Variants in DNTT observed in about 807,000 individuals in gnomAD.
The protein encoded by DNTT is DNA nucleotidylexotransferase, also known as nucleosidetriphosphate:DNA deoxynucleotidylexotransferase.
DNTT carries 47 observed loss-of-function variants against 60.9 expected under a neutral mutation model. The ratio of observed to expected loss-of-function variants is 0.77; its 90% CI spans 0.61 to 0.98. The LOEUF is 0.98. Ranked by LOEUF, DNTT falls within the 50% of genes least tolerant of loss-of-function variation. The probability of loss-of-function intolerance (pLI) is 0.00; values close to 1 mark genes in which losing one functional copy is unlikely to be tolerated. For synonymous variants in DNTT, 224 were observed against 221.2 expected (o/e 1.01, Z -0.11); for missense variants, 665 against 627.5 (o/e 1.06, Z -0.64).
chr10:96,314,408 T>G (rs1442950244), intron 1 of DNTT, among the ~76,000 whole-genome samples: 1 of 79,384 alleles, frequency 1.3e-5, no homozygotes, highest in South Asian at 5.2e-4. Context: ...TTCCCTTTTT[T>G]TTTTTTTTTT....
intron 7 of DNTT, among the ~76,000 whole-genome samples, chr10:96,327,904 C>A (rs1378427714): frequency 1.3e-5 from 2 of 152,228 alleles, no homozygotes; most frequent in Non-Finnish European, 2.9e-5. Flanking sequence ...ATGGCACCTT[C>A]TCCAGAAAGC....
At position 96,304,507 on chromosome 10, in the gene DNTT, C is replaced by G. The variant is rs144113836; in HGVS notation, c.10C>G (p.Pro4Ala). MDP[P>A]RASHLSPRKK... ...GCAGCAGCCTCTTCCCATGGATCCA[C>G]CACGAGCGTCCCACTTGAGCCCTCG... Residue 4 changes from proline to alanine, a missense_variant, in exon 1 of 11, where the codon CCA becomes GCA. Coordinates refer to ENST00000371174, the MANE Select transcript of DNTT (RefSeq NM_004088.4). The G allele has an allele frequency of 3.1e-6, 5 of 1,613,566 alleles. No homozygotes were observed. In the African/African-American group the frequency reaches 6.7e-5, roughly 22 times the overall value.
rs115042962 is a variant in DNTT at position 96,309,628 on chromosome 10, C to T, written c.203+4928C>T. Among the ~76,000 whole-genome samples, 940 of 152,270 alleles carry T rather than the reference C, an allele frequency of 6.2e-3. 6 individuals are homozygous for T. Among genetic ancestry groups the T allele is most frequent in the African/African-American group, 0.02 (849 of 41,556 alleles). ...GTCTCACTCATTATCCCAAAACCAT[C>T]GCCTCCAAAAGTCCCTGGCAATCTC... On this transcript the variant is annotated intron_variant, in intron 1 of 10. Coordinates refer to ENST00000371174, the MANE Select transcript of DNTT (RefSeq NM_004088.4).
At chr10:96,322,814 G>A in intron 5 of DNTT, 86 bp downstream of exon 5, 1 of 1,097,282 alleles carries the variant, frequency 9.1e-7, no homozygotes, top group Non-Finnish European at 1.3e-6. Flanking sequence ...GTCAGCTTGG[G>A]CTGCAATAAC....
chr10:96,307,704 T>TATA (rs1844658413), intron 1 of DNTT, among the ~76,000 whole-genome samples: 1 of 22,764 alleles, frequency 4.4e-5, no homozygotes, highest in Non-Finnish European at 9.5e-5. Flanking sequence ...TGTGTGTGTG[T>TATA]GTATATATAT....
rs1844911725 is a variant in DNTT at position 96,324,172 on chromosome 10, T to C, written c.751-94T>C. On this transcript the variant is annotated intron_variant, in intron 5 of 10. Transcript: ENST00000371174. The stretch of plus-strand genomic sequence containing the variant: ...ACTAGGTCAAAGATTTGCTTATACT[T>C]TTTCTTCATTGCCTGAGACCTAGAA... 3 of 1,444,806 alleles carry C rather than the reference T, an allele frequency of 2.1e-6. No individual in the cohort carries two copies. In the Admixed American group the frequency reaches 6.9e-5, roughly 33 times the overall value. The allele number at this position is 1,444,806 out of a possible 1,614,324, so 89.5% of individuals were successfully genotyped here.
At chr10:96,307,353 T>G (rs1439898427) in intron 1 of DNTT, among the ~76,000 whole-genome samples, 3 of 127,446 alleles carry the variant, frequency 2.4e-5, no homozygotes, top group South Asian at 2.7e-4. Context: ...GTTTTTTTTT[T>G]TTTTTTTTTT....
At chr10:96,336,716 G>T (rs1382476306) in intron 10 of DNTT, among the ~76,000 whole-genome samples, 1 of 152,130 alleles carries the variant, frequency 6.6e-6, no homozygotes, top group Non-Finnish European at 1.5e-5. Context: ...GGAGGCCGAG[G>T]CGGGTGGATC....
At position 96,320,592 on chromosome 10, in the gene DNTT, C is replaced by T. The variant is rs780378380; in HGVS notation, c.508-26C>T. The T allele has an allele frequency of 5.0e-6, 8 of 1,610,644 alleles. No homozygotes were observed. In the Admixed American group the frequency reaches 6.7e-5, roughly 13 times the overall value. ...GGCTCAGGGGCTTGGAAGCAAATCTCCTGCTTATCTGGTTTTATCCTGCAG... is the reference window on the plus strand; with the variant it reads ...GGCTCAGGGGCTTGGAAGCAAATCTTCTGCTTATCTGGTTTTATCCTGCAG... On this transcript the variant is annotated intron_variant, in intron 3 of 10. Transcript: ENST00000371174.
chr10:96,327,716 A>G (rs528208947), intron 7 of DNTT, 116 bp downstream of exon 7: 3 of 1,461,182 alleles, frequency 2.1e-6, no homozygotes, highest in Admixed American at 2.3e-5. Flanking sequence ...TTCTTTCTAC[A>G]GCTTTATCTC....
At chr10:96,328,854 A>C in intron 8 of DNTT, 24 bp downstream of exon 8, 1 of 1,602,340 alleles carries the variant, frequency 6.2e-7, no homozygotes, top group Non-Finnish European at 8.5e-7. Flanking sequence ...TGAAAAATAC[A>C]TGCACACGCA....
intron 4 of DNTT, among the ~76,000 whole-genome samples, chr10:96,322,297 T>C (rs1000566751): frequency 1.3e-5 from 2 of 152,222 alleles, no homozygotes; most frequent in Non-Finnish European, 2.9e-5. Flanking sequence ...ATTAACCTTG[T>C]CAATGGAAAA....
intron 4 of DNTT, among the ~76,000 whole-genome samples, chr10:96,321,128 C>G (rs1487830643): frequency 6.6e-6 from 1 of 152,056 alleles, no homozygotes; most frequent in African/African-American, 2.4e-5. Flanking sequence ...ATTATTGCTT[C>G]CGCAGAAGAA....
chr10:96,327,641 T>C (rs1188700948), intron 7 of DNTT, 41 bp downstream of exon 7: 3 of 1,583,486 alleles, frequency 1.9e-6, no homozygotes, highest in South Asian at 2.4e-5. Flanking sequence ...GCCCGAATAC[T>C]TCAGTGGCTC....
At chr10:96,323,596 A>T (rs1844905539) in intron 5 of DNTT, among the ~76,000 whole-genome samples, 1 of 152,084 alleles carries the variant, frequency 6.6e-6, no homozygotes, top group Non-Finnish European at 1.5e-5. Context: ...TGGGGACAGG[A>T]CGGAACTGCT....
chr10:96,305,248 G>C (rs897742143), intron 1 of DNTT, among the ~76,000 whole-genome samples: 3 of 152,160 alleles, frequency 2.0e-5, no homozygotes, highest in Admixed American at 2.0e-4. Context: ...CTTAGAAAGA[G>C]AGATGCTAGG....
intron 1 of DNTT, among the ~76,000 whole-genome samples, chr10:96,313,124 T>G (rs561789598): frequency 5.9e-5 from 9 of 152,168 alleles, no homozygotes; most frequent in Non-Finnish European, 1.3e-4. Context: ...ATTGCTATAA[T>G]TTGTTCAAGA....
At position 96,319,261 on chromosome 10, in the gene DNTT, G is replaced by A. The variant is rs774394740; in HGVS notation, c.379-1G>A. 1.2e-6 allele frequency: 2 copies of A among 1,612,564 alleles called. No individual in the cohort carries two copies. The highest frequency in any genetic ancestry group is 2.2e-5 in the South Asian group (2 of 90,786). On this transcript the variant is annotated splice_acceptor_variant, in intron 2 of 10. Coordinates refer to ENST00000371174, the MANE Select transcript of DNTT (RefSeq NM_004088.4). LOFTEE classifies it high-confidence loss of function. Reference sequence around the variant, plus strand: ...AAATGGATGCTTATGCATTTGTTTAGGTGAGAAGAGACTATTCAGATAGCA... The same window carrying A: ...AAATGGATGCTTATGCATTTGTTTAAGTGAGAAGAGACTATTCAGATAGCA...
chr10:96,321,541 C>T (rs913693511), intron 4 of DNTT, among the ~76,000 whole-genome samples: 6 of 152,040 alleles, frequency 3.9e-5, no homozygotes, highest in South Asian at 2.1e-4. Flanking sequence ...CATGCCCACT[C>T]GCCCAATTCC....
Sources: gnomAD v4.1 joint callset for allele counts (sites outside exome capture counted in the v4.1 genomes callset) on GRCh38, gnomAD v4.1.1 for gene constraint, MANE v1.5 for transcripts, NCBI Gene and HGNC (gene_info 2026-07-23, HGNC 2026-07-21) for gene names.